Variants in SLC44A2 observed in about 807,000 individuals in gnomAD.
SLC44A2 encodes the protein solute carrier family 44 member 2 (CTL2 blood group), also known as choline transporter-like protein 2.
SLC44A2 carries 57 observed loss-of-function variants against 90.8 expected under a neutral mutation model. The observed-to-expected ratio is 0.63, with a 90% confidence interval of 0.51 to 0.78. The LOEUF (loss-of-function observed/expected upper bound fraction) is 0.78, where lower values mean the gene tolerates loss of function less well. Among genes scored for constraint, SLC44A2 ranks in the 30% least tolerant of loss-of-function variants. The pLI, the probability that SLC44A2 is intolerant of heterozygous loss-of-function variation, is 0.00. For synonymous variants in SLC44A2, 355 were observed against 360.7 expected, an observed-to-expected ratio of 0.98 and a Z score of 0.18; for missense variants, 794 against 919.7, an observed-to-expected ratio of 0.86 and a Z score of 1.77.
chr19:10,624,067 G>A (rs954301833), upstream of SLC44A2, among the ~76,000 whole-genome samples: 5 of 151,758 alleles, frequency 3.3e-5, no homozygotes, highest in Admixed American at 2.6e-4. Flanking sequence ...GCACGATCTC[G>A]GCTCATTGCA....
intron 14 of SLC44A2, 71 bp from the exon 15 acceptor site, chr19:10,636,252 C>T: frequency 6.5e-7 from 1 of 1,536,802 alleles, no homozygotes; most frequent in Non-Finnish European, 8.8e-7. Flanking sequence ...TGGCCCCACA[C>T]CTGATGCTCA....
At chr19:10,602,787 G>A (rs1041681530) in intron 1 of SLC44A2, among the ~76,000 whole-genome samples, 21 of 152,292 alleles carry the variant, frequency 1.4e-4, no homozygotes, top group African/African-American at 4.8e-4. Flanking sequence ...TGATGGGCCG[G>A]GGCTCACGGC....
At chr19:10,641,426 G>A (rs1032709942) in intron 20 of SLC44A2, 1 of 442,484 alleles carries the variant, frequency 2.3e-6, no homozygotes, top group Non-Finnish European at 4.5e-6. Flanking sequence ...GCCCACTCTA[G>A]GTGTCGTAGG....
intron 1 of SLC44A2, among the ~76,000 whole-genome samples, chr19:10,612,187 G>GTGAGACCCTGT (rs1918321758): frequency 6.6e-6 from 1 of 151,732 alleles, no homozygotes; most frequent in African/African-American, 2.4e-5. Context: ...GGGCAACATA[G>GTGAGACCCTGT]TGAGACCCTG....
At chr19:10,626,403 T>G in intron 2 of SLC44A2, 102 bp downstream of exon 2, 1 of 935,086 alleles carries the variant, frequency 1.1e-6, no homozygotes, top group Non-Finnish European at 1.7e-6. Flanking sequence ...TGGTGACAAA[T>G]ATTTGAAACT....
At chr19:10,615,477 G>A (rs2066847941) in intron 1 of SLC44A2, among the ~76,000 whole-genome samples, 1 of 151,912 alleles carries the variant, frequency 6.6e-6, no homozygotes, top group African/African-American at 2.4e-5. Context: ...GGGAGGCTGA[G>A]GCACAAGAGT....
chr19:10,618,474 C>CTTTT (rs3029799), intron 1 of SLC44A2, among the ~76,000 whole-genome samples: 2 of 87,336 alleles, frequency 2.3e-5, no homozygotes, highest in Non-Finnish European at 2.1e-5. Flanking sequence ...TGCGCCCGGC[C>CTTTT]TTTTTTTTTT....
At chr19:10,620,256 G>A (rs536203421) in intron 1 of SLC44A2, among the ~76,000 whole-genome samples, 13 of 152,168 alleles carry the variant, frequency 8.5e-5, no homozygotes, top group African/African-American at 2.2e-4. Context: ...TGAGGTGGGC[G>A]GATCGCCTGA....
At chr19:10,631,414 G>GT in intron 6 of SLC44A2, 29 bp downstream of exon 6, 1 of 1,614,018 alleles carries the variant, frequency 6.2e-7, no homozygotes, top group Non-Finnish European at 8.5e-7. Context: ...TGAGAGCACA[G>GT]GTATGGGCAG....
At chr19:10,633,642 A>G (rs1268454423) in intron 10 of SLC44A2, among the ~76,000 whole-genome samples, 1 of 152,096 alleles carries the variant, frequency 6.6e-6, no homozygotes, top group Non-Finnish European at 1.5e-5. Context: ...ATTTTTGTAG[A>G]GACAGGTTCT....
rs779201438 is a variant in SLC44A2 at position 10,637,731 on chromosome 19, G to A, written c.1679G>A (p.Arg560Lys). The part of the protein sequence containing the change: ...CLEKFIKFLN[R>K]NAYIMIAIYG... ...GAGAAGTTCATCAAATTCCTTAATA[G>A]GAATGCCTACATCATGGTGAGTGGG... is the stretch of plus-strand genomic sequence containing the variant. The change falls in exon 17 of 22, where the codon AGG becomes AAG. Residue 560 changes from arginine to lysine, a missense_variant. Coordinates refer to ENST00000335757, the MANE Select transcript of SLC44A2 (RefSeq NM_020428.4). The A allele has an allele frequency of 6.2e-7, 1 of 1,614,088 alleles. No individual in the cohort carries two copies. The highest frequency in any genetic ancestry group is 1.3e-5 in the African/African-American group (1 of 75,016).
At chr19:10,636,108 G>T in intron 14 of SLC44A2, 2 of 584,062 alleles carry the variant, frequency 3.4e-6, no homozygotes, top group Non-Finnish European at 5.9e-6. Flanking sequence ...CTGTCTCCAT[G>T]CCCTCTTCTT....
chr19:10,638,029 T>A lies in SLC44A2; in HGVS notation c.1776T>A (p.Ala592=). 1.2e-6 allele frequency: 2 copies of A among 1,614,086 alleles called. No homozygotes were observed. Among genetic ancestry groups the A allele is most frequent in the Non-Finnish European group, 1.7e-6 (2 of 1,180,004 alleles). ...FLLMRNIIRV[A]VLDKVTDFLF... is the part of the protein sequence containing the mutation. ...CCCTCACTGTCCCCTGCAGAGTGGC[T>A]GTCCTGGATAAAGTTACTGACTTCC... Residue 592 remains alanine, a synonymous_variant, in exon 19 of 22, where the codon GCT becomes GCA. Transcript: ENST00000335757.
At chr19:10,627,595 C>T (rs748844581) in intron 2 of SLC44A2, 127 bp from the exon 3 acceptor site, 54 of 830,914 alleles carry the variant, frequency 6.5e-5, no homozygotes, top group Non-Finnish European at 1.0e-4. Flanking sequence ...CCCTTTGGTA[C>T]GGCATTCAAA....
At chr19:10,642,562 G>A in intron 21 of SLC44A2, 111 bp downstream of exon 21, 1 of 1,042,682 alleles carries the variant, frequency 9.6e-7, no homozygotes, top group East Asian at 2.4e-5. Context: ...AGCTTCCCCA[G>A]GGCTTGGCTG....
upstream of SLC44A2, among the ~76,000 whole-genome samples, chr19:10,620,955 TTTGAGCC>T (rs1399209868): frequency 6.7e-6 from 1 of 150,200 alleles, no homozygotes; most frequent in African/African-American, 2.5e-5. Flanking sequence ...GAGAAGATCA[TTTGAGCC>T]TAGGAGGTTT....
Position 10,616,746 on chromosome 19 carries a change from CA to C in SLC44A2, c.32-9495del, listed in dbSNP as rs1209924325. On this transcript the variant is annotated intron_variant, in intron 1 of 21. Coordinates refer to the SLC44A2 transcript ENST00000407327. ...TGGGCATGGTGGTGGGCGCCTGTCT[CA>C]AAAAAAAAAAATAGAGACTGGGTCT... 3.6e-3 allele frequency among the ~76,000 whole-genome samples: 533 copies of C among 149,394 alleles called. 4 individuals carry two copies. The highest frequency in any genetic ancestry group is 0.012 in the African/African-American group (474 of 40,970).
chr19:10,624,616 T>G (rs1229013048), upstream of SLC44A2, among the ~76,000 whole-genome samples: 1 of 152,244 alleles, frequency 6.6e-6, no homozygotes, highest in African/African-American at 2.4e-5. Flanking sequence ...TGAGGTCAGT[T>G]TTGGTTTCAT....
chr19:10,605,944 A>C (rs1215782016), intron 1 of SLC44A2, among the ~76,000 whole-genome samples: 3 of 152,040 alleles, frequency 2.0e-5, no homozygotes, highest in African/African-American at 7.2e-5. Flanking sequence ...CAGTGAGCTG[A>C]GATGGTGCCA....
Sources: gnomAD v4.1 joint callset for allele counts (sites outside exome capture counted in the v4.1 genomes callset) on GRCh38, gnomAD v4.1.1 for gene constraint, MANE v1.5 for transcripts, NCBI Gene and HGNC (gene_info 2026-07-23, HGNC 2026-07-21) for gene names.